ST3GAL6: variants seen among roughly 807,000 people sequenced by gnomAD.
ST3GAL6 encodes ST3 beta-galactoside alpha-2,3-sialyltransferase 6.
In ST3GAL6, 31 loss-of-function variants were observed where a neutral mutation model predicts 40.5. The ratio of observed to expected loss-of-function variants is 0.77; its 90% CI spans 0.58 to 1.03. The LOEUF is 1.03. Ranked by LOEUF, ST3GAL6 falls within the 50% of genes least tolerant of loss-of-function variation. ST3GAL6 has a pLI of 0.00. For missense variants in ST3GAL6, 357 were observed against 393.2 expected (o/e 0.91, Z 0.78); for synonymous variants, 129 against 136.9 (o/e 0.94, Z 0.40).
intron 1 of ST3GAL6, chr3:98,733,639 G>C (rs1392001270): frequency 4.1e-6 from 4 of 982,280 alleles, no homozygotes; most frequent in Non-Finnish European, 4.8e-6. Context: ...CAAGATAAGG[G>C]AGAAGCAACT....
At chr3:98,779,673 G>A (rs1370999144) in intron 5 of ST3GAL6, among the ~76,000 whole-genome samples, 1 of 152,238 alleles carries the variant, frequency 6.6e-6, no homozygotes, top group African/African-American at 2.4e-5. Context: ...TGGGGGAAGT[G>A]TAATCTCTTA....
intron 1 of ST3GAL6, chr3:98,756,425 G>C: frequency 1.6e-6 from 2 of 1,289,756 alleles, no homozygotes; most frequent in Non-Finnish European, 2.0e-6. Context: ...CTAACAGAGA[G>C]GCCCCAGCAA....
chr3:98,763,320 C>T (rs1937983325), upstream of ST3GAL6: 2 of 1,286,908 alleles, frequency 1.6e-6, no homozygotes, highest in Admixed American at 4.6e-5. Context: ...CCATGTTCCA[C>T]ACAGTCTGGA....
chr3:98,786,551 C>G (rs528443286), intron 6 of ST3GAL6, among the ~76,000 whole-genome samples: 1 of 151,916 alleles, frequency 6.6e-6, no homozygotes, highest in African/African-American at 2.4e-5. Context: ...TGGACTAGGT[C>G]GAAGAGGGAA....
chr3:98,764,292 T>A (rs1053181646), intron 1 of ST3GAL6, among the ~76,000 whole-genome samples: 4 of 152,186 alleles, frequency 2.6e-5, no homozygotes, highest in Admixed American at 1.3e-4. Flanking sequence ...CCCTTTGGTT[T>A]GAGAAAGCAT....
intron 1 of ST3GAL6, among the ~76,000 whole-genome samples, chr3:98,764,711 G>C (rs989008355): frequency 6.6e-6 from 1 of 152,154 alleles, no homozygotes; most frequent in Admixed American, 6.5e-5. Flanking sequence ...CAGAGTTTTG[G>C]TTTCCTCCTC....
chr3:98,741,596 G>A (rs892329809), intron 1 of ST3GAL6, among the ~76,000 whole-genome samples: 1 of 152,096 alleles, frequency 6.6e-6, no homozygotes, highest in East Asian at 1.9e-4. Flanking sequence ...AGGAGATAAG[G>A]CAGGACAGGC....
intron 6 of ST3GAL6, among the ~76,000 whole-genome samples, chr3:98,786,260 C>T (rs1489256844): frequency 6.6e-6 from 1 of 151,840 alleles, no homozygotes; most frequent in Non-Finnish European, 1.5e-5. Context: ...GACTGAGCCT[C>T]AGAGAACTCA....
chr3:98,732,788 A>C, intron 1 of ST3GAL6: 2 of 1,365,798 alleles, frequency 1.5e-6, no homozygotes, highest in Non-Finnish European at 1.9e-6. Flanking sequence ...TCCGCGGGGA[A>C]GGAATCGTGC....
At chr3:98,754,178 G>A (rs1343317750) in intron 1 of ST3GAL6, among the ~76,000 whole-genome samples, 1 of 152,170 alleles carries the variant, frequency 6.6e-6, no homozygotes, top group Non-Finnish European at 1.5e-5. Flanking sequence ...AAGCCTTCTG[G>A]AAAGAATTCA....
chr3:98,776,957 C>A (rs542105520), intron 5 of ST3GAL6, among the ~76,000 whole-genome samples: 1 of 152,302 alleles, frequency 6.6e-6, no homozygotes, highest in South Asian at 2.1e-4. Context: ...GGAAGTTCTC[C>A]ATTTGTCCAG....
In ST3GAL6 at chr3:98,788,232, CA is replaced by C; in HGVS notation, c.618+14del. 1 of 1,603,914 alleles carries C rather than the reference CA, an allele frequency of 6.2e-7. No individual in the cohort carries two copies. The highest frequency in any genetic ancestry group is 1.1e-5 in the South Asian group (1 of 89,450). On this transcript the variant is annotated intron_variant, in intron 7 of 9. Transcript: ENST00000483910. ...GATGGGTGACAAAATAGTAAGTAGG[CA>C]AAATTGTTCTGCCTTCAGATTACCT... is the stretch of plus-strand genomic sequence containing the variant.
chr3:98,733,271 C>T, intron 1 of ST3GAL6: 4 of 984,938 alleles, frequency 4.1e-6, no homozygotes, highest in Non-Finnish European at 4.8e-6. Context: ...ACCCGGGGAT[C>T]CTGGAGCCCC....
intron 1 of ST3GAL6, among the ~76,000 whole-genome samples, chr3:98,747,349 C>T (rs1412264110): frequency 6.6e-6 from 1 of 152,102 alleles, no homozygotes; most frequent in East Asian, 1.9e-4. Flanking sequence ...TTCAGAGATT[C>T]ATAGTGTTTT....
intron 1 of ST3GAL6, among the ~76,000 whole-genome samples, chr3:98,749,272 AT>A (rs1559726080): frequency 6.6e-6 from 1 of 151,972 alleles, no homozygotes; most frequent in Non-Finnish European, 1.5e-5. Flanking sequence ...AAAAAAATCT[AT>A]CATATGTATT....
chr3:98,772,728 G>A, intron 3 of ST3GAL6, 85 bp from the exon 4 acceptor site: 1 of 850,028 alleles, frequency 1.2e-6, no homozygotes, highest in East Asian at 2.5e-5. Context: ...TGGATTATAT[G>A]CTGTAGTTAC....
intron 1 of ST3GAL6, among the ~76,000 whole-genome samples, chr3:98,753,888 T>A (rs1326013945): frequency 6.6e-6 from 1 of 152,230 alleles, no homozygotes; most frequent in East Asian, 1.9e-4. Context: ...TATTGAGACC[T>A]GCTGCTTAGA....
chr3:98,746,341 G>A (rs1157778011), intron 1 of ST3GAL6, among the ~76,000 whole-genome samples: 3 of 152,094 alleles, frequency 2.0e-5, no homozygotes, highest in Non-Finnish European at 4.4e-5. Flanking sequence ...GTGAAAGTGA[G>A]GCCAAACAGA....
At chr3:98,748,756 G>A (rs1373246365) in intron 1 of ST3GAL6, among the ~76,000 whole-genome samples, 1 of 152,164 alleles carries the variant, frequency 6.6e-6, no homozygotes, top group Non-Finnish European at 1.5e-5. Context: ...GTGAGCCACC[G>A]CGCCTGGCCT....
Sources: allele counts gnomAD v4.1 joint callset (sites outside exome capture counted in the v4.1 genomes callset), GRCh38; gene constraint gnomAD v4.1.1; transcripts MANE v1.5; gene names NCBI Gene and HGNC (gene_info 2026-07-23, HGNC 2026-07-21).